The following STARD9 variants were observed in gnomAD, a reference collection of about 807,000 sequenced individuals.
The protein encoded by STARD9 is stAR-related lipid transfer protein 9.
Under a neutral mutation model 399.8 loss-of-function variants are expected in STARD9, and 346 were observed. The observed-to-expected ratio is 0.87, with a 90% CI of 0.79 to 0.95. The LOEUF is 0.95. STARD9 is among the 40% of genes least tolerant of loss of function. The pLI, the probability that STARD9 is intolerant of heterozygous loss-of-function variation, is 0.00. For synonymous variants in STARD9, 2,203 were observed against 2,143.5 expected (o/e 1.03, Z -0.77); for missense variants, 5,832 against 5,667.5 (o/e 1.03, Z -0.93).
intron 3 of STARD9, among the ~76,000 whole-genome samples, chr15:42,593,957 C>T (rs755682683): frequency 1.3e-5 from 2 of 151,910 alleles, no homozygotes; most frequent in South Asian, 2.1e-4. Context: ...CGTGAGCCAC[C>T]GCGTGGTTGT....
At chr15:42,604,969 T>C (rs997063876) in intron 3 of STARD9, among the ~76,000 whole-genome samples, 2 of 152,156 alleles carry the variant, frequency 1.3e-5, no homozygotes, top group South Asian at 4.1e-4. Flanking sequence ...TAAATCCATA[T>C]ATTCTGTTCC....
At chr15:42,601,765 A>G (rs555170645) in intron 3 of STARD9, among the ~76,000 whole-genome samples, 59 of 152,364 alleles carry the variant, frequency 3.9e-4, no homozygotes, top group African/African-American at 1.3e-3. Flanking sequence ...CACAAACCCT[A>G]TAGCATTAAG....
intron 3 of STARD9, among the ~76,000 whole-genome samples, chr15:42,587,425 C>CA (rs2058298884): frequency 6.6e-6 from 1 of 152,146 alleles, no homozygotes; most frequent in Non-Finnish European, 1.5e-5. Flanking sequence ...CCTTTGTAGT[C>CA]CTAATGTGTT....
At position 42,689,780 on chromosome 15, in the gene STARD9, G is replaced by A. The variant is rs61218673; in HGVS notation, c.8202G>A (p.Arg2734=). ...RSSAPVEEVR[R]VVSKKVVAAL... ...CAGCACCTGTGGAGGAGGTCAGGAG[G>A]GTAGTATCAAAGAAGGTAGTGGCTG... is the stretch of plus-strand genomic sequence containing the variant. Residue 2734 remains arginine (R), a synonymous_variant, in exon 23 of 33, where the codon AGG becomes AGA. Coordinates refer to ENST00000290607, the MANE Select transcript of STARD9 (RefSeq NM_020759.3). The A allele has an allele frequency of 2.1e-3, 3,298 of 1,537,500 alleles. 61 individuals carry two copies. The African/African-American group carries it at 0.039, about 18-fold the overall frequency.
chr15:42,651,639 T>C (rs933084398), intron 8 of STARD9, among the ~76,000 whole-genome samples: 1 of 152,168 alleles, frequency 6.6e-6, no homozygotes, highest in Non-Finnish European at 1.5e-5. Context: ...AAAAAGGCTT[T>C]TTTTTTCTGG....
chr15:42,583,930 A>G (rs2058223203), intron 2 of STARD9, among the ~76,000 whole-genome samples: 1 of 152,278 alleles, frequency 6.6e-6, no homozygotes, highest in African/African-American at 2.4e-5. Flanking sequence ...GTTTTGTTAC[A>G]GATTCTCTTT....
intron 3 of STARD9, among the ~76,000 whole-genome samples, chr15:42,614,191 C>G (rs2141824900): frequency 6.6e-6 from 1 of 151,042 alleles, no homozygotes; most frequent in East Asian, 2.0e-4. Flanking sequence ...GGCGCCTGTA[C>G]TCCCAATTAC....
chr15:42,609,271 C>T (rs976921993), intron 3 of STARD9, among the ~76,000 whole-genome samples: 1 of 152,056 alleles, frequency 6.6e-6, no homozygotes, highest in African/African-American at 2.4e-5. Flanking sequence ...GCTTCTAAGC[C>T]CTCAGAACGT....
chr15:42,625,475 C>T (rs919993084), intron 3 of STARD9, among the ~76,000 whole-genome samples: 2 of 150,234 alleles, frequency 1.3e-5, no homozygotes, highest in Non-Finnish European at 3.0e-5. Flanking sequence ...GGATTACAGA[C>T]ACACGCCACC....
intron 26 of STARD9, among the ~76,000 whole-genome samples, chr15:42,703,354 T>G (rs910027843): frequency 7.2e-6 from 1 of 138,784 alleles, no homozygotes; most frequent in Non-Finnish European, 1.5e-5. Context: ...CATTTGTTTT[T>G]TTTGTTTTGT....
chr15:42,690,039 G>T lies in STARD9; in HGVS notation c.8461G>T (p.Val2821Phe). 1 of 1,537,486 alleles carries T rather than the reference G, an allele frequency of 6.5e-7. No individual in the cohort carries two copies. Among genetic ancestry groups the T allele is most frequent in the South Asian group, 1.2e-5 (1 of 84,056 alleles). ...HFESQSVTCD[V>F]QNSTSASGPK... ...TGAAAGTCAGTCTGTGACCTGTGAT[G>T]TTCAGAATTCTACAAGTGCCTCAGG... Residue 2821 changes from valine (V) to phenylalanine (F), a missense_variant, in exon 23 of 33, where the codon GTT becomes TTT. By Grantham distance (50) the Val-to-Phe change is conservative. This residue lies in a region of STARD9 where 5,828 missense variants were observed against 5,651.1 expected (regional missense o/e 1.03). Coordinates refer to ENST00000290607, the MANE Select transcript of STARD9 (RefSeq NM_020759.3).
rs758570571 is a variant in STARD9 at position 42,588,776 on chromosome 15, G to GTTTTTTTT, written c.234+3171_234+3178dup. ...TAACCCAGTTTATCCTCTTCACAGCGTTTTTTTTTTTTTTTTTTTTTTTTT... is the reference window on the plus strand; with the variant it reads ...TAACCCAGTTTATCCTCTTCACAGCGTTTTTTTTTTTTTTTTTTTTTTTTTTTTTTTTT... On this transcript the variant is annotated intron_variant, in intron 3 of 32. Transcript: ENST00000290607. Among the ~76,000 whole-genome samples, 15 of 38,414 alleles carry GTTTTTTTT rather than the reference G, an allele frequency of 3.9e-4. 6 individuals carry two copies. The highest frequency in any genetic ancestry group is 2.6e-3 in the South Asian group (2 of 758). 25.2% of individuals were successfully genotyped at this position (38,414 alleles called of 152,430 possible). A position where few individuals can be genotyped will look rare whatever the true frequency, so the allele number is the denominator to read the frequency against.
rs1177971392 is a variant in STARD9, at chr15:42,694,733, G to A, written c.12962+8G>A. On this transcript the variant is annotated splice_region_variant and intron_variant, in intron 24 of 32. Transcript: ENST00000290607. Reference sequence around the variant, plus strand: ...TGTTGTGGAGACCACCAGGTAGTGTGGACCGAGAACCCTGCTGGGAGCAGG... The same window carrying A: ...TGTTGTGGAGACCACCAGGTAGTGTAGACCGAGAACCCTGCTGGGAGCAGG... The A allele has an allele frequency of 6.5e-7, 1 of 1,536,606 alleles. No individual in the cohort carries two copies. Among genetic ancestry groups the A allele is most frequent in the Admixed American group, 2.0e-5 (1 of 50,958 alleles).
At chr15:42,695,345 T>C (rs1399819488) in intron 25 of STARD9, 22 bp downstream of exon 25, 4 of 1,513,442 alleles carry the variant, frequency 2.6e-6, no homozygotes, top group Non-Finnish European at 3.5e-6. Context: ...GGCATGCCTC[T>C]GATTTCAGGA....
rs1276964633 is a variant in STARD9, at chr15:42,688,954, G to T, written c.7376G>T (p.Ser2459Ile). The T allele has an allele frequency of 2.0e-6, 3 of 1,537,336 alleles. No homozygotes were observed. In the Admixed American group the frequency reaches 5.9e-5, roughly 30 times the overall value. ...LRITLLGFST[S>I]EDFASEAEVA... ...ATCACCTTGCTGGGTTTCAGTACCA[G>T]TGAAGATTTTGCTTCTGAAGCCGAG... Residue 2459 changes from serine to isoleucine, a missense_variant, in exon 23 of 33, where the codon AGT (serine) becomes ATT (isoleucine). Ser to Ile is a moderately radical substitution (Grantham distance 142). Coordinates refer to ENST00000290607, the MANE Select transcript of STARD9 (RefSeq NM_020759.3).
At chr15:42,699,022 T>TAA (rs11405018) in intron 26 of STARD9, among the ~76,000 whole-genome samples, 195 of 151,786 alleles carry the variant, frequency 1.3e-3, no homozygotes, top group Middle Eastern at 3.4e-3. Context: ...TCTTGTTTAT[T>TAA]AAAAAAAATT....
intron 3 of STARD9, among the ~76,000 whole-genome samples, chr15:42,632,121 C>T (rs879382094): frequency 6.6e-6 from 1 of 152,116 alleles, no homozygotes; most frequent in African/African-American, 2.4e-5. Context: ...TCTGGGTGAT[C>T]CAGTGTTGGG....
chr15:42,666,615 T>G (rs2060107430), intron 15 of STARD9, among the ~76,000 whole-genome samples: 1 of 152,168 alleles, frequency 6.6e-6, no homozygotes, highest in Admixed American at 6.5e-5. Context: ...GATTAATAGC[T>G]TCTTGAATCA....
chr15:42,652,673 T>A (rs1487353349), intron 9 of STARD9, 81 bp downstream of exon 9: 11 of 1,293,132 alleles, frequency 8.5e-6, no homozygotes, highest in Non-Finnish European at 1.2e-5. Flanking sequence ...TTCCTATTTC[T>A]TTTTTTGTTT....
Sources: allele counts gnomAD v4.1 joint callset (sites outside exome capture counted in the v4.1 genomes callset), GRCh38; gene constraint gnomAD v4.1.1; regional missense constraint gnomAD v4.1.1; transcripts MANE v1.5; gene names NCBI Gene and HGNC (gene_info 2026-07-23, HGNC 2026-07-21).